The following DAB2 variants were observed in gnomAD, a reference collection of about 807,000 sequenced individuals.
DAB2 encodes the protein DAB adaptor protein 2, also known as disabled homolog 2.
In DAB2, 28 loss-of-function variants were observed where a neutral mutation model predicts 71.6. The observed-to-expected ratio is 0.39, with a 90% CI of 0.29 to 0.54. The LOEUF is 0.54. Ranked by LOEUF, DAB2 falls within the 20% of genes least tolerant of loss-of-function variation. DAB2 has a pLI of 0.68. For synonymous variants in DAB2, 345 were observed against 339.7 expected (o/e 1.02, Z -0.17); for missense variants, 867 against 928.8 (o/e 0.93, Z 0.86).
chr5:39,419,292 G>A (rs1755919335), intron 1 of DAB2, among the ~76,000 whole-genome samples: 1 of 152,134 alleles, frequency 6.6e-6, no homozygotes, highest in Admixed American at 6.5e-5. Flanking sequence ...CTCACTGGGA[G>A]ATTTTCCATT....
chr5:39,388,579 A>G (rs1348091748), intron 8 of DAB2, among the ~76,000 whole-genome samples: 14 of 152,202 alleles, frequency 9.2e-5, no homozygotes, highest in Admixed American at 9.2e-4. Context: ...AAAGTATTAG[A>G]TTAGATTCAG....
At chr5:39,381,194 C>G (rs931503410) in intron 11 of DAB2, among the ~76,000 whole-genome samples, 2 of 152,156 alleles carry the variant, frequency 1.3e-5, no homozygotes, top group Admixed American at 1.3e-4. Flanking sequence ...TTCAGGAAAC[C>G]ATGACCAGTT....
intron 11 of DAB2, among the ~76,000 whole-genome samples, chr5:39,380,630 A>G (rs1754958431): frequency 6.6e-6 from 1 of 152,212 alleles, no homozygotes; most frequent in Admixed American, 6.5e-5. Context: ...ACTATAGGCT[A>G]TGGACTAAGA....
chr5:39,388,738 AG>A, intron 8 of DAB2, 60 bp downstream of exon 8: 1 of 1,348,560 alleles, frequency 7.4e-7, no homozygotes, highest in South Asian at 1.2e-5. Context: ...CAACATCTAC[AG>A]GAAGTAGAAC....
At chr5:39,377,856 T>C (rs144244866) in intron 11 of DAB2, among the ~76,000 whole-genome samples, 230 of 152,308 alleles carry the variant, frequency 1.5e-3, no homozygotes, top group African/African-American at 4.8e-3. Context: ...CATTTCAAAG[T>C]TTCTTCACTT....
chr5:39,384,385 A>C (rs1264049013), intron 9 of DAB2, among the ~76,000 whole-genome samples: 1 of 152,230 alleles, frequency 6.6e-6, no homozygotes, highest in East Asian at 1.9e-4. Flanking sequence ...AATAAAAGTT[A>C]TTTGAATGTG....
In DAB2 at chr5:39,389,840, G is replaced by A; in HGVS notation, c.543+12C>T. 7.0e-7 allele frequency: 1 copy of A among 1,428,576 alleles called. No homozygotes were observed. The highest frequency in any genetic ancestry group is 1.4e-5 in the African/African-American group (1 of 70,350). The allele number at this position is 1,428,576 out of a possible 1,614,324, so 88.5% of individuals were successfully genotyped here. On this transcript the variant is annotated intron_variant, in intron 6 of 14. Coordinates refer to ENST00000320816, the MANE Select transcript of DAB2 (RefSeq NM_001343.4). Reference sequence around the variant, plus strand: ...TTTAAATTTAATAGAGCCTTAATCAGGTAGTACTTGCCTTTTTCTTTTCTT... The same window carrying A: ...TTTAAATTTAATAGAGCCTTAATCAAGTAGTACTTGCCTTTTTCTTTTCTT...
chr5:39,373,574 A>T (rs564029098), intron 14 of DAB2, 149 bp from the exon 15 acceptor site: 26 of 152,332 alleles, frequency 1.7e-4, no homozygotes, highest in Non-Finnish European at 2.6e-4. Flanking sequence ...AATGTAGAGC[A>T]TCTAATAAAA....
chr5:39,391,658 AT>A (rs1466532336), intron 4 of DAB2, among the ~76,000 whole-genome samples: 12 of 152,294 alleles, frequency 7.9e-5, no homozygotes, highest in Admixed American at 7.8e-4. Context: ...CATGAGTCTT[AT>A]GATGTTACAT....
chr5:39,377,864 C>T (rs1457743867), intron 11 of DAB2, among the ~76,000 whole-genome samples: 1 of 152,124 alleles, frequency 6.6e-6, no homozygotes, highest in Non-Finnish European at 1.5e-5. Flanking sequence ...AGTTTCTTCA[C>T]TTTTTATTGC....
Position 39,404,485 on chromosome 5 carries a change from C to G in DAB2, c.-101-10064G>C, listed in dbSNP as rs1393615968. ...TAAAAAAAAAAAAAAAAGAAAGAAA[C>G]AGTCCCCTCTATAAAGAACGTTTAG... On this transcript the variant is annotated intron_variant, in intron 1 of 14. Coordinates refer to ENST00000320816, the MANE Select transcript of DAB2 (RefSeq NM_001343.4). 3.5e-5 allele frequency among the ~76,000 whole-genome samples: 4 copies of G among 113,952 alleles called. No individual in the cohort carries two copies. In the East Asian group the frequency reaches 1.1e-3, roughly 33 times the overall value. The allele number at this position is 113,952 out of a possible 152,430, so 74.8% of individuals were successfully genotyped here.
chr5:39,399,018 T>C (rs1369906070), intron 1 of DAB2, among the ~76,000 whole-genome samples: 1 of 151,606 alleles, frequency 6.6e-6, no homozygotes, highest in East Asian at 1.9e-4. Context: ...AAAAGGGATC[T>C]GAGGACCAAA....
At chr5:39,401,249 C>T (rs1481097083) in intron 1 of DAB2, among the ~76,000 whole-genome samples, 2 of 152,164 alleles carry the variant, frequency 1.3e-5, no homozygotes, top group Non-Finnish European at 2.9e-5. Context: ...AATGCTGACA[C>T]TACTGTAGGG....
At chr5:39,381,845 G>A (rs2112034588) in intron 10 of DAB2, among the ~76,000 whole-genome samples, 1 of 152,320 alleles carries the variant, frequency 6.6e-6, no homozygotes, top group East Asian at 1.9e-4. Context: ...CACTACCTAG[G>A]ACTTGCAAAG....
At chr5:39,415,242 A>G (rs1389257820) in intron 1 of DAB2, among the ~76,000 whole-genome samples, 1 of 152,158 alleles carries the variant, frequency 6.6e-6, no homozygotes, top group Non-Finnish European at 1.5e-5. Flanking sequence ...TGAGTCTCCT[A>G]TAACCACGTT....
chr5:39,395,060 T>A (rs551376134), intron 1 of DAB2, among the ~76,000 whole-genome samples: 2 of 152,318 alleles, frequency 1.3e-5, no homozygotes, highest in African/African-American at 4.8e-5. Context: ...AGTACATTTT[T>A]ATGCTATTAT....
intron 1 of DAB2, among the ~76,000 whole-genome samples, chr5:39,416,175 C>A (rs837085): frequency 6.6e-6 from 1 of 152,050 alleles, no homozygotes; most frequent in South Asian, 2.1e-4. Context: ...TCATGATTAG[C>A]GGACTTATAT....
intron 1 of DAB2, among the ~76,000 whole-genome samples, chr5:39,395,966 G>A (rs1311710782): frequency 1.1e-3 from 7 of 6,596 alleles, no homozygotes; most frequent in Admixed American, 3.7e-3. Flanking sequence ...TTTTTGAGAC[G>A]GAGTCTTGCT....
intron 1 of DAB2, among the ~76,000 whole-genome samples, chr5:39,414,718 G>A (rs1189741788): frequency 6.6e-6 from 1 of 151,778 alleles, no homozygotes; most frequent in Non-Finnish European, 1.5e-5. Flanking sequence ...AAAAAAAGGG[G>A]GGGGGGTGGT....
Sources: allele counts gnomAD v4.1 joint callset (sites outside exome capture counted in the v4.1 genomes callset), GRCh38; gene constraint gnomAD v4.1.1; transcripts MANE v1.5; gene names NCBI Gene and HGNC (gene_info 2026-07-23, HGNC 2026-07-21).